ARID5B: variants seen among roughly 807,000 people sequenced by gnomAD.
The protein encoded by ARID5B is AT-rich interactive domain-containing protein 5B.
Under a neutral mutation model 97.2 loss-of-function variants are expected in ARID5B, and 13 were observed. The ratio of observed to expected loss-of-function variants is 0.13; its 90% confidence interval spans 0.09 to 0.21. The LOEUF (loss-of-function observed/expected upper bound fraction) is 0.21, where lower values mean the gene tolerates loss of function less well. Among genes scored for constraint, ARID5B ranks in the 10% least tolerant of loss-of-function variants. The pLI is 1.00. For missense variants in ARID5B, 1,210 were observed against 1,465.3 expected (o/e 0.83, Z 2.84); for synonymous variants, 556 against 570.3 (o/e 0.97, Z 0.36).
At chr10:62,039,533 G>A (rs1367034892) in intron 4 of ARID5B, among the ~76,000 whole-genome samples, 2 of 152,170 alleles carry the variant, frequency 1.3e-5, no homozygotes, top group African/African-American at 2.4e-5. Flanking sequence ...GGCTGTTAAT[G>A]TCTAGTTAGG....
intron 4 of ARID5B, among the ~76,000 whole-genome samples, chr10:62,001,340 T>C (rs1043633627): frequency 6.6e-6 from 1 of 152,186 alleles, no homozygotes; most frequent in African/African-American, 2.4e-5. Flanking sequence ...TGAGCCCTGC[T>C]GAATCCCTCA....
chr10:61,912,202 A>T (rs1406191439), intron 2 of ARID5B, among the ~76,000 whole-genome samples: 1 of 152,244 alleles, frequency 6.6e-6, no homozygotes, highest in Admixed American at 6.5e-5. Context: ...AGTGCAAATA[A>T]TTTAAATTCA....
chr10:61,940,481 G>A, intron 3 of ARID5B, 73 bp downstream of exon 3: 2 of 1,277,920 alleles, frequency 1.6e-6, no homozygotes, highest in South Asian at 1.4e-5. Context: ...GATTTTTCTG[G>A]AAACACTATC....
At chr10:62,016,163 C>T (rs965116724) in intron 4 of ARID5B, among the ~76,000 whole-genome samples, 2 of 152,210 alleles carry the variant, frequency 1.3e-5, no homozygotes, top group African/African-American at 2.4e-5. Context: ...CCATGTGCAG[C>T]GCTCAGCCTG....
rs115654585 is a variant in ARID5B, at chr10:61,930,398, G to T, written c.277-9785G>T. On this transcript the variant is annotated intron_variant, in intron 2 of 9. Coordinates refer to ENST00000279873, the MANE Select transcript of ARID5B (RefSeq NM_032199.3). ...GGTAGTGTTTTTCCTTAGAACAAGA[G>T]CAGGCATGCTTACTGTCCAGTATTA... Among the ~76,000 whole-genome samples, 333 of 152,230 alleles carry T rather than the reference G, an allele frequency of 2.2e-3. 1 individual carries two copies. Among genetic ancestry groups the T allele is most frequent in the African/African-American group, 7.8e-3 (326 of 41,530 alleles).
intron 5 of ARID5B, among the ~76,000 whole-genome samples, chr10:62,054,908 A>G (rs1839835380): frequency 6.6e-6 from 1 of 152,290 alleles, no homozygotes; most frequent in South Asian, 2.1e-4. Flanking sequence ...AGTTTCCTCA[A>G]CTGTAAAATG....
chr10:62,042,064 T>C (rs1331239926), intron 4 of ARID5B, among the ~76,000 whole-genome samples: 1 of 152,234 alleles, frequency 6.6e-6, no homozygotes. Flanking sequence ...GAAATCAAAA[T>C]GTCCTTAAAA....
chr10:62,027,975 G>C (rs540771842), intron 4 of ARID5B, among the ~76,000 whole-genome samples: 34 of 152,082 alleles, frequency 2.2e-4, no homozygotes, highest in Non-Finnish European at 3.8e-4. Flanking sequence ...AAGGAGAAAG[G>C]GCATCCTGGA....
intron 4 of ARID5B, among the ~76,000 whole-genome samples, chr10:62,001,537 A>G (rs1026800597): frequency 5.9e-5 from 9 of 152,158 alleles, no homozygotes; most frequent in East Asian, 1.9e-4. Context: ...GGAGTCCACT[A>G]TGGCCTCTTA....
intron 3 of ARID5B, among the ~76,000 whole-genome samples, chr10:61,960,744 G>T (rs1838459164): frequency 6.6e-6 from 1 of 152,080 alleles, no homozygotes; most frequent in African/African-American, 2.4e-5. Context: ...TTTAATCCAG[G>T]ACATTGTTAG....
intron 3 of ARID5B, among the ~76,000 whole-genome samples, chr10:61,966,322 T>C (rs1316734085): frequency 6.6e-6 from 1 of 152,160 alleles, no homozygotes; most frequent in Non-Finnish European, 1.5e-5. Context: ...AATTAGTTTT[T>C]AAAAGCCAGC....
At chr10:61,985,108 A>G (rs1332395024) in intron 3 of ARID5B, among the ~76,000 whole-genome samples, 1 of 151,826 alleles carries the variant, frequency 6.6e-6, no homozygotes, top group Non-Finnish European at 1.5e-5. Context: ...TGTATCCTTC[A>G]AAAGTTAGCT....
chr10:62,017,790 T>C (rs775817928), intron 4 of ARID5B, among the ~76,000 whole-genome samples: 1 of 152,224 alleles, frequency 6.6e-6, no homozygotes, highest in African/African-American at 2.4e-5. Flanking sequence ...TTTTCCCATA[T>C]GTCTAAAAAT....
At chr10:62,068,041 T>C (rs1840016314) in intron 7 of ARID5B, among the ~76,000 whole-genome samples, 1 of 152,204 alleles carries the variant, frequency 6.6e-6, no homozygotes, top group African/African-American at 2.4e-5. Flanking sequence ...TTCTAGGGTC[T>C]TTGAGGAATC....
intron 3 of ARID5B, among the ~76,000 whole-genome samples, chr10:61,988,753 C>G (rs752315045): frequency 1.3e-5 from 2 of 152,136 alleles, no homozygotes; most frequent in Admixed American, 1.3e-4. Flanking sequence ...TTCAGGCAGA[C>G]GCTCTAAAGA....
At chr10:62,027,228 G>C (rs1839431910) in intron 4 of ARID5B, among the ~76,000 whole-genome samples, 1 of 146,668 alleles carries the variant, frequency 6.8e-6, no homozygotes, top group Non-Finnish European at 1.5e-5. Context: ...CCAACTCCTG[G>C]AGGCCTGCAA....
intron 4 of ARID5B, among the ~76,000 whole-genome samples, chr10:62,038,789 T>C (rs749783242): frequency 1.3e-5 from 2 of 152,246 alleles, no homozygotes; most frequent in Non-Finnish European, 2.9e-5. Context: ...TTTGTTAGTT[T>C]CTGCGGGTTT....
Position 62,092,406 on chromosome 10 carries a change from G to C in ARID5B, c.2943G>C (p.Val981=). Residue 981 remains valine, a synonymous_variant, in exon 10 of 10, where the codon GTG becomes GTC. Transcript: ENST00000279873. The part of the protein sequence containing the change: ...SLSRSGKPHH[V]RLENFRKMEG... ...CAAGATCAGGAAAACCTCACCATGT[G>C]AGACTGGAGAATTTCAGGAAGATGG... 1.2e-6 allele frequency: 2 copies of C among 1,614,210 alleles called. No individual in the cohort carries two copies. Among genetic ancestry groups the C allele is most frequent in the Non-Finnish European group, 1.7e-6 (2 of 1,180,030 alleles).
chr10:61,920,454 T>C (rs1843994312), intron 2 of ARID5B, among the ~76,000 whole-genome samples: 1 of 151,654 alleles, frequency 6.6e-6, no homozygotes, highest in African/African-American at 2.4e-5. Context: ...GGCCTCAGCC[T>C]CCTGAGTAGC....
Sources: gnomAD v4.1 joint callset for allele counts (sites outside exome capture counted in the v4.1 genomes callset) on GRCh38, gnomAD v4.1.1 for gene constraint, MANE v1.5 for transcripts, NCBI Gene and HGNC (gene_info 2026-07-23, HGNC 2026-07-21) for gene names.